The following ESRRG variants were observed in gnomAD, a reference collection of about 807,000 sequenced individuals.
ESRRG encodes estrogen related receptor gamma, also known as estrogen-related receptor gamma.
A neutral mutation model predicts 44.0 loss-of-function variants in ESRRG; 13 were observed. The ratio of observed to expected loss-of-function variants is 0.30; its 90% confidence interval spans 0.19 to 0.47. The LOEUF (loss-of-function observed/expected upper bound fraction) is 0.47, where lower values mean the gene tolerates loss of function less well. Among genes scored for constraint, ESRRG ranks in the 20% least tolerant of loss-of-function variants. The pLI, the probability that ESRRG is intolerant of heterozygous loss-of-function variation, is 1.00. For missense variants in ESRRG, 395 were observed against 580.6 expected, an observed-to-expected ratio of 0.68 and a Z score of 3.29; for synonymous variants, 215 against 214.6, an observed-to-expected ratio of 1.00 and a Z score of -0.02.
Position 216,738,656 on chromosome 1 carries a change from G to C in ESRRG, c.-13-61165C>G, listed in dbSNP as rs181441376. Among the ~76,000 whole-genome samples, 539 of 152,214 alleles carry C rather than the reference G, an allele frequency of 3.5e-3. 20 individuals carry two copies. Among genetic ancestry groups the C allele is most frequent in the Admixed American group, 0.029 (436 of 15,276 alleles). On this transcript the variant is annotated intron_variant, in intron 2 of 7. Coordinates refer to the ESRRG transcript ENST00000359162. ...AGGGGAAAAAGTGGATTAAGTAGGG[G>C]AAAAGTATGAAATGGTGAGACAGTA...
chr1:216,965,352 T>G (rs1022836148), intron 1 of ESRRG, among the ~76,000 whole-genome samples: 1 of 128,456 alleles, frequency 7.8e-6, no homozygotes, highest in Non-Finnish European at 1.8e-5. Context: ...AAGATGTAGA[T>G]GAATTTTTTA....
intron 1 of ESRRG, among the ~76,000 whole-genome samples, chr1:216,689,376 T>C (rs2078642275): frequency 6.6e-6 from 1 of 152,128 alleles, no homozygotes; most frequent in East Asian, 1.9e-4. Context: ...CCCAGTATTA[T>C]AGAACATCAG....
chr1:216,793,605 A>T (rs77526172), intron 2 of ESRRG, among the ~76,000 whole-genome samples: 10,208 of 152,088 alleles, frequency 0.067, 491 homozygotes, highest in Middle Eastern at 0.15. Context: ...CTCATGAGAG[A>T]CCTTGAGACA....
chr1:216,927,415 T>C (rs1018082783), intron 2 of ESRRG, among the ~76,000 whole-genome samples: 1 of 152,178 alleles, frequency 6.6e-6, no homozygotes, highest in Non-Finnish European at 1.5e-5. Flanking sequence ...GGAGGCGTTC[T>C]TGGCCTGAGG....
chr1:216,590,480 T>C (rs1168123630), intron 3 of ESRRG, among the ~76,000 whole-genome samples: 2 of 152,218 alleles, frequency 1.3e-5, no homozygotes, highest in Non-Finnish European at 2.9e-5. Context: ...GATGAATACA[T>C]TTTTAAAAAG....
chr1:216,866,889 C>A lies in ESRRG; in HGVS notation c.-14+72693G>T, dbSNP rs534642901. ...ACTTAAAAAGAGAGTATAAAGTAAT[C>A]TCTCTTCTTTATTTTCTGCTACATA... On this transcript the variant is annotated intron_variant, in intron 2 of 7. Coordinates refer to the ESRRG transcript ENST00000359162. Among the ~76,000 whole-genome samples, 6 of 152,156 alleles carry A rather than the reference C, an allele frequency of 3.9e-5. No homozygotes were observed. The South Asian group carries it at 1.2e-3, about 32-fold the overall frequency.
chr1:217,083,164 A>C (rs1181812255), intron 1 of ESRRG, among the ~76,000 whole-genome samples: 1 of 152,240 alleles, frequency 6.6e-6, no homozygotes, highest in Non-Finnish European at 1.5e-5. Flanking sequence ...TGTATGGTCT[A>C]GCGTAGGAAA....
rs138832180 is a variant in ESRRG at position 216,672,751 on chromosome 1, C to T, written c.472+4325G>A. Among the ~76,000 whole-genome samples the T allele has an allele frequency of 1.2e-3, 185 of 152,138 alleles. 2 individuals are homozygous for T. Among genetic ancestry groups the T allele is most frequent in the African/African-American group, 4.2e-3 (175 of 41,510 alleles). The stretch of plus-strand genomic sequence containing the variant: ...GGCATGGTAGTGCATGCCTGTTTTC[C>T]AGCTACTTGGGAGGCTGAGGGGAAG... On this transcript the variant is annotated intron_variant, in intron 2 of 6. Coordinates refer to ENST00000408911, the MANE Select transcript of ESRRG (RefSeq NM_001438.4).
At chr1:216,937,540 C>T (rs577203162) in intron 2 of ESRRG, among the ~76,000 whole-genome samples, 43 of 152,144 alleles carry the variant, frequency 2.8e-4, no homozygotes, top group Non-Finnish European at 4.9e-4. Flanking sequence ...CTGTTTTCTC[C>T]TGTGAGTTTG....
intron 2 of ESRRG, among the ~76,000 whole-genome samples, chr1:216,886,121 G>A (rs115887868): frequency 0.011 from 1,736 of 152,048 alleles, 32 homozygotes; most frequent in African/African-American, 0.038. Flanking sequence ...CTGAGTAGAC[G>A]TGTCCCTTAG....
Position 216,678,627 on chromosome 1 carries a change from T to C in ESRRG, c.57-1136A>G, listed in dbSNP as rs567988800. On this transcript the variant is annotated intron_variant, in intron 1 of 6. Transcript: ENST00000408911. Reference sequence around the variant, plus strand: ...CCGAATTTCTGGAAAGGTAATTAGATGAAAAGATATAATTGGTCCTATTTT... The same window carrying C: ...CCGAATTTCTGGAAAGGTAATTAGACGAAAAGATATAATTGGTCCTATTTT... Among the ~76,000 whole-genome samples, 313 of 152,338 alleles carry C rather than the reference T, an allele frequency of 2.1e-3. 1 individual carries two copies. Among genetic ancestry groups the C allele is most frequent in the African/African-American group, 7.1e-3 (297 of 41,584 alleles).
At chr1:217,049,077 C>G (rs184320833) in intron 1 of ESRRG, among the ~76,000 whole-genome samples, 1 of 152,238 alleles carries the variant, frequency 6.6e-6, no homozygotes, top group African/African-American at 2.4e-5. Flanking sequence ...ATCATGGTCT[C>G]CTCAGTTTCT....
intron 1 of ESRRG, among the ~76,000 whole-genome samples, chr1:217,132,113 T>C (rs1261522288): frequency 5.3e-5 from 8 of 152,168 alleles, no homozygotes; most frequent in Non-Finnish European, 1.5e-5. Context: ...TTCCAACTTT[T>C]AGGAAAAGCT....
chr1:216,518,120 C>CACAA (rs1235256832), intron 6 of ESRRG, among the ~76,000 whole-genome samples: 3 of 152,130 alleles, frequency 2.0e-5, no homozygotes, highest in Non-Finnish European at 4.4e-5. Context: ...AGTCGTCATC[C>CACAA]ACAAGTAAGC....
chr1:216,511,990 T>C (rs892177756), intron 6 of ESRRG, among the ~76,000 whole-genome samples: 3 of 152,194 alleles, frequency 2.0e-5, no homozygotes, highest in African/African-American at 7.2e-5. Flanking sequence ...TATACTACTT[T>C]TCCTAAACAA....
chr1:216,643,039 T>C (rs946843759), intron 3 of ESRRG, among the ~76,000 whole-genome samples: 2 of 152,192 alleles, frequency 1.3e-5, no homozygotes, highest in Non-Finnish European at 2.9e-5. Context: ...TAAGTTGCTC[T>C]TTGCTACTCC....
chr1:217,125,296 G>A (rs830320), intron 1 of ESRRG, among the ~76,000 whole-genome samples: 22,417 of 152,144 alleles, frequency 0.15, 2,240 homozygotes, highest in African/African-American at 0.28. Context: ...TTGTCTGTAC[G>A]AAGGATGCTG....
intron 3 of ESRRG, among the ~76,000 whole-genome samples, chr1:216,639,775 G>C (rs1188744543): frequency 6.6e-6 from 1 of 152,122 alleles, no homozygotes; most frequent in Non-Finnish European, 1.5e-5. Context: ...ATAATCTTTT[G>C]AGAAACAGGT....
chr1:216,784,670 G>C (rs1043982298), intron 2 of ESRRG, among the ~76,000 whole-genome samples: 1 of 151,836 alleles, frequency 6.6e-6, no homozygotes, highest in Non-Finnish European at 1.5e-5. Context: ...GTTTTACTGA[G>C]CACACTTAAT....
Sources: gnomAD v4.1 joint callset for allele counts (sites outside exome capture counted in the v4.1 genomes callset) on GRCh38, gnomAD v4.1.1 for gene constraint, MANE v1.5 for transcripts, NCBI Gene and HGNC (gene_info 2026-07-23, HGNC 2026-07-21) for gene names.